The following GNAS-AS1 variants were observed in gnomAD, a reference collection of about 807,000 sequenced individuals.
GNAS-AS1 encodes GNAS antisense RNA 1, also known as GNAS antisense RNA 1 (non-protein coding).
At chr20:58,835,610 C>G (rs539623878) in intron 4 of GNAS-AS1, among the ~76,000 whole-genome samples, 1 of 152,192 alleles carries the variant, frequency 6.6e-6, no homozygotes, top group Non-Finnish European at 1.5e-5. Context: ...CCCTGTCTAT[C>G]TGGGCTGGAA....
chr20:58,850,739 C>T (rs2086126873), exon 1 of GNAS-AS1: 1 of 398,760 alleles, frequency 2.5e-6, no homozygotes, highest in Non-Finnish European at 4.4e-6. Context: ...CCCTGGGACC[C>T]CACCTCTCCC....
At chr20:58,820,490 T>G (rs994211971) in intron 4 of GNAS-AS1, among the ~76,000 whole-genome samples, 20 of 152,212 alleles carry the variant, frequency 1.3e-4, no homozygotes, top group Non-Finnish European at 2.9e-4. Flanking sequence ...CCAAGGAAGA[T>G]TCCAGAAGCA....
intron 4 of GNAS-AS1, among the ~76,000 whole-genome samples, chr20:58,822,617 G>A (rs1000013577): frequency 7.2e-5 from 11 of 152,110 alleles, no homozygotes; most frequent in South Asian, 2.1e-4. Context: ...AGCAGCTTCC[G>A]GCTCCATCCC....
intron 4 of GNAS-AS1, among the ~76,000 whole-genome samples, chr20:58,829,780 G>A (rs995146068): frequency 3.3e-5 from 5 of 151,866 alleles, no homozygotes; most frequent in Non-Finnish European, 5.9e-5. Context: ...ATACTCAGGG[G>A]GAAAAAAACA....
intron 2 of GNAS-AS1, among the ~76,000 whole-genome samples, chr20:58,843,060 T>C (rs1268834461): frequency 2.0e-5 from 3 of 152,184 alleles, no homozygotes; most frequent in African/African-American, 7.2e-5. Flanking sequence ...TGTTCACATG[T>C]AGCGAGGAGG....
chr20:58,828,418 C>T (rs943021451), intron 4 of GNAS-AS1, among the ~76,000 whole-genome samples: 3 of 152,218 alleles, frequency 2.0e-5, no homozygotes, highest in African/African-American at 7.2e-5. Flanking sequence ...TCCACCTTCA[C>T]GGGAAGATTC....
intron 4 of GNAS-AS1, chr20:58,826,018 T>G (rs1600644035): frequency 2.5e-6 from 1 of 398,672 alleles, no homozygotes; most frequent in East Asian, 3.6e-5. Flanking sequence ...CTTGCTCTTT[T>G]GCTTACCTTT....
chr20:58,847,591 G>C (rs1025307301), intron 2 of GNAS-AS1, among the ~76,000 whole-genome samples: 23 of 152,210 alleles, frequency 1.5e-4, no homozygotes, highest in African/African-American at 5.5e-4. Context: ...TTCCTCAATT[G>C]AAAGAAACCC....
chr20:58,835,096 G>C (rs929210100), intron 4 of GNAS-AS1, among the ~76,000 whole-genome samples: 3 of 151,868 alleles, frequency 2.0e-5, no homozygotes, highest in Non-Finnish European at 4.4e-5. Flanking sequence ...GGGAACAGGC[G>C]GGAGGGGCCA....
intron 4 of GNAS-AS1, among the ~76,000 whole-genome samples, chr20:58,832,327 T>C (rs905823494): frequency 1.3e-5 from 2 of 152,162 alleles, no homozygotes; most frequent in African/African-American, 2.4e-5. Context: ...CCTGAACAGA[T>C]TGAGAGGCCA....
rs1431574991 is a variant in GNAS-AS1, at chr20:58,848,868, GC to G, written n.413+10del. ...CCCATTACTGATGTTTCAGCTCTTA[GC>G]TCCACTCACCTAAAGGACTTAGGTT... On this transcript the variant is annotated intron_variant and non_coding_transcript_variant, in intron 2 of 4. Coordinates refer to ENST00000424094, the Ensembl canonical transcript of GNAS-AS1. The G allele has an allele frequency of 1.8e-5, 7 of 398,428 alleles. No homozygotes were observed. The Admixed American group carries it at 3.1e-4, about 18-fold the overall frequency. The allele number at this position is 398,428 out of a possible 1,614,324, so 24.7% of individuals were successfully genotyped here.
chr20:58,850,438 T>G, intron 1 of GNAS-AS1: 1 of 397,700 alleles, frequency 2.5e-6, no homozygotes, highest in Non-Finnish European at 4.4e-6. Flanking sequence ...AATGGTACTT[T>G]GGGGGTGAGC....
intron 4 of GNAS-AS1, among the ~76,000 whole-genome samples, chr20:58,825,725 T>G (rs543502883): frequency 6.6e-6 from 1 of 152,350 alleles, no homozygotes; most frequent in East Asian, 1.9e-4. Flanking sequence ...ACTTTTGCGC[T>G]TAGATGGTTT....
chr20:58,841,232 T>G lies in GNAS-AS1; in HGVS notation n.819+705A>C. The G allele has an allele frequency of 1.2e-6, 1 of 828,228 alleles. No individual in the cohort carries two copies. The highest frequency in any genetic ancestry group is 1.6e-6 in the Non-Finnish European group (1 of 641,558). 51.3% of individuals were successfully genotyped at this position (828,228 alleles called of 1,614,324 possible). A position where few individuals can be genotyped will look rare whatever the true frequency, so the allele number is the denominator to read the frequency against. ...ACCCAAACGGCATTGGTAAGTCACT[T>G]GTTTTGCGCGCTTTTCTTCCTCCTA... On this transcript the variant is annotated intron_variant and non_coding_transcript_variant, in intron 4 of 4. Coordinates refer to ENST00000424094, the Ensembl canonical transcript of GNAS-AS1. This position sits in a 1 kb window ranked among gnomAD's most constrained non-coding sequence, Gnocchi z 5.0.
intron 4 of GNAS-AS1, among the ~76,000 whole-genome samples, chr20:58,821,259 C>G (rs2085485125): frequency 6.6e-6 from 1 of 152,198 alleles, no homozygotes; most frequent in Non-Finnish European, 1.5e-5. Flanking sequence ...CAGGGCCCTT[C>G]CACTGGCTGT....
At chr20:58,832,678 A>G (rs1225349038) in intron 4 of GNAS-AS1, among the ~76,000 whole-genome samples, 1 of 152,242 alleles carries the variant, frequency 6.6e-6, no homozygotes, top group Non-Finnish European at 1.5e-5. Context: ...AACCCACAGA[A>G]GGCCACAACA....
At chr20:58,843,255 C>G (rs1029180874) in intron 2 of GNAS-AS1, 1 of 150,710 alleles carries the variant, frequency 6.6e-6, no homozygotes, top group Non-Finnish European at 1.5e-5. Context: ...TCTTTACACC[C>G]TGATTCAAGG....
At chr20:58,826,707 T>C (rs2085522497) in intron 4 of GNAS-AS1, 1 of 151,948 alleles carries the variant, frequency 6.6e-6, no homozygotes, top group Admixed American at 6.6e-5. Flanking sequence ...TGTTACTTCT[T>C]TCTTTTCTTC....
exon 1 of GNAS-AS1, chr20:58,850,867 C>T: frequency 2.5e-6 from 1 of 398,924 alleles, no homozygotes. Context: ...ACCACCCCAG[C>T]AGCACCTCTT....
Sources: gnomAD v4.1 joint callset for allele counts (sites outside exome capture counted in the v4.1 genomes callset) on GRCh38, gnomAD v4.1.1 for gene constraint, Gnocchi (gnomAD v3.1) non-coding constraint, MANE v1.5 for transcripts, NCBI Gene and HGNC (gene_info 2026-07-23, HGNC 2026-07-21) for gene names.